Variants in TANGO6 observed in about 807,000 individuals in gnomAD.
TANGO6 encodes transport and golgi organization 6 homolog.
In TANGO6, 90 loss-of-function variants were observed where a neutral mutation model predicts 114.2. The observed-to-expected ratio is 0.79, with a 90% confidence interval of 0.66 to 0.94. The LOEUF (loss-of-function observed/expected upper bound fraction) is 0.94. Ranked by LOEUF, TANGO6 falls within the 40% of genes least tolerant of loss-of-function variation. The pLI is 0.00. For missense variants in TANGO6, 1,274 were observed against 1,315.3 expected, an observed-to-expected ratio of 0.97 and a Z score of 0.49; for synonymous variants, 477 against 509.8, an observed-to-expected ratio of 0.94 and a Z score of 0.87.
At chr16:69,044,673 C>T (rs1386032332) in intron 17 of TANGO6, among the ~76,000 whole-genome samples, 1 of 152,062 alleles carries the variant, frequency 6.6e-6, no homozygotes, top group Non-Finnish European at 1.5e-5. Flanking sequence ...GTTCTCTCTG[C>T]CTACTTTTTA....
intron 15 of TANGO6, among the ~76,000 whole-genome samples, chr16:69,012,011 G>A (rs923156084): frequency 6.6e-6 from 1 of 152,156 alleles, no homozygotes; most frequent in African/African-American, 2.4e-5. Flanking sequence ...TTTTTGTCAA[G>A]TTTGTTCAAA....
chr16:69,034,669 C>T (rs886502925), intron 16 of TANGO6: 27 of 152,324 alleles, frequency 1.8e-4, no homozygotes, highest in African/African-American at 6.5e-4. Context: ...CTGGCTATAG[C>T]TCTTCGGCAT....
intron 14 of TANGO6, among the ~76,000 whole-genome samples, chr16:68,940,972 C>T (rs891197387): frequency 6.6e-6 from 1 of 152,102 alleles, no homozygotes; most frequent in Admixed American, 6.6e-5. Flanking sequence ...CTTAAAGTTT[C>T]TGGGCCTGCC....
At chr16:68,966,645 C>G (rs1366301119) in intron 14 of TANGO6, among the ~76,000 whole-genome samples, 1 of 152,028 alleles carries the variant, frequency 6.6e-6, no homozygotes, top group Non-Finnish European at 1.5e-5. Flanking sequence ...CCCTTTGTCA[C>G]AAAGGCTTGA....
chr16:68,884,359 G>A (rs918514205), intron 7 of TANGO6, among the ~76,000 whole-genome samples: 6 of 152,208 alleles, frequency 3.9e-5, no homozygotes, highest in African/African-American at 1.4e-4. Context: ...TGGTGACTAT[G>A]TGAATATAAT....
At chr16:69,015,182 C>T (rs1184940413) in intron 15 of TANGO6, among the ~76,000 whole-genome samples, 1 of 152,040 alleles carries the variant, frequency 6.6e-6, no homozygotes, top group African/African-American at 2.4e-5. Flanking sequence ...CAGGTTTGAG[C>T]CAAGTATGTG....
At chr16:68,949,570 G>T (rs955050159) in intron 14 of TANGO6, among the ~76,000 whole-genome samples, 1 of 151,666 alleles carries the variant, frequency 6.6e-6, no homozygotes, top group African/African-American at 2.4e-5. Context: ...GCAGTGAGCC[G>T]AGATTGCACC....
At chr16:68,912,236 G>A (rs138257835) in intron 11 of TANGO6, among the ~76,000 whole-genome samples, 3,442 of 152,296 alleles carry the variant, frequency 0.023, 62 homozygotes, top group Non-Finnish European at 0.029. Context: ...TATGGCTCAC[G>A]CCTGTAATCT....
At chr16:68,965,704 G>C (rs2152210410) in intron 14 of TANGO6, among the ~76,000 whole-genome samples, 1 of 152,080 alleles carries the variant, frequency 6.6e-6, no homozygotes, top group South Asian at 2.1e-4. Context: ...TGGAGGCTGA[G>C]GCAGGAAGAT....
chr16:69,067,209 T>A (rs1459871228), intron 17 of TANGO6, among the ~76,000 whole-genome samples: 1 of 151,940 alleles, frequency 6.6e-6, no homozygotes, highest in South Asian at 2.1e-4. Flanking sequence ...CAAAAAAAAT[T>A]TTTTTTTTAT....
In TANGO6 at chr16:68,947,587, C is replaced by CTTT. The variant is rs1231636901; in HGVS notation, c.2701+17312_2701+17314dup. On this transcript the variant is annotated intron_variant, in intron 14 of 17. Transcript: ENST00000261778. The stretch of plus-strand genomic sequence containing the variant: ...TAAGACTAGATATTATAACCCATCT[C>CTTT]TTTTTTTTTTTTTTTTTTTTTTGAG... Among the ~76,000 whole-genome samples the CTTT allele has an allele frequency of 2.2e-3, 259 of 118,424 alleles. 1 individual carries two copies. The highest frequency in any genetic ancestry group is 4.9e-3 in the Middle Eastern group (1 of 204). The allele number at this position is 118,424 out of a possible 152,430, so 77.7% of individuals were successfully genotyped here.
At chr16:68,972,163 TTTAGGACCACATGCAGAGGTGCAGGC>T (rs1249828218) in intron 14 of TANGO6, among the ~76,000 whole-genome samples, 1 of 151,642 alleles carries the variant, frequency 6.6e-6, no homozygotes, top group African/African-American at 2.4e-5. Context: ...GGAGGTGTGG[TTTAGGACCACATGCAGAGGTGCAGGC>T]TTAGGACCAC....
chr16:68,895,286 T>C (rs532361155), intron 7 of TANGO6, among the ~76,000 whole-genome samples: 1 of 152,194 alleles, frequency 6.6e-6, no homozygotes, highest in East Asian at 1.9e-4. Context: ...AAGGTGTAGG[T>C]TGCACTGAGG....
chr16:69,046,866 G>T (rs1236958542), intron 17 of TANGO6, among the ~76,000 whole-genome samples: 1 of 152,002 alleles, frequency 6.6e-6, no homozygotes, highest in Admixed American at 6.6e-5. Flanking sequence ...AGAGGAAAAA[G>T]AAAAAGATTT....
At chr16:69,037,018 C>A (rs990802404) in intron 16 of TANGO6, among the ~76,000 whole-genome samples, 1 of 151,440 alleles carries the variant, frequency 6.6e-6, no homozygotes, top group African/African-American at 2.4e-5. Context: ...TGCCTATAGT[C>A]CCAGCTACTA....
rs142413420 is a variant in TANGO6 at position 68,875,392 on chromosome 16, A to G, written c.1131+102A>G. ...AGTATTGAGATAAAAGCAGTATAAT[A>G]TTTAAGTTTATTGTTTAGTGAGGAG... is the stretch of plus-strand genomic sequence containing the variant. On this transcript the variant is annotated intron_variant, in intron 5 of 17. Transcript: ENST00000261778. 5.2e-4 allele frequency: 708 copies of G among 1,349,872 alleles called. 1 individual carries two copies. The highest frequency in any genetic ancestry group is 2.2e-3 in the Middle Eastern group (8 of 3,658). 83.6% of individuals were successfully genotyped at this position (1,349,872 alleles called of 1,614,324 possible). A position where few individuals can be genotyped will look rare whatever the true frequency, so the allele number is the denominator to read the frequency against.
intron 15 of TANGO6, among the ~76,000 whole-genome samples, chr16:68,980,383 T>TTCTCTCTCTCTCCCTCTCTCTC (rs1963814092): frequency 5.4e-5 from 2 of 36,860 alleles, no homozygotes; most frequent in Non-Finnish European, 1.0e-4. Flanking sequence ...CTGTCTGTCA[T>TTCTCTCTCTCTCCCTCTCTCTC]TCTCTCTCTC....
At chr16:68,861,947 A>T (rs1962097892) in intron 2 of TANGO6, among the ~76,000 whole-genome samples, 2 of 152,166 alleles carry the variant, frequency 1.3e-5, no homozygotes, top group Non-Finnish European at 1.5e-5. Flanking sequence ...AGAGAGATAA[A>T]CAATGTTACC....
At chr16:69,060,090 C>T (rs1393567718) in intron 17 of TANGO6, among the ~76,000 whole-genome samples, 6 of 152,186 alleles carry the variant, frequency 3.9e-5, no homozygotes, top group Non-Finnish European at 5.9e-5. Flanking sequence ...GAATGCCTTC[C>T]TTCCCCCAGC....
Sources: allele counts gnomAD v4.1 joint callset (sites outside exome capture counted in the v4.1 genomes callset), GRCh38; gene constraint gnomAD v4.1.1; transcripts MANE v1.5; gene names NCBI Gene and HGNC (gene_info 2026-07-23, HGNC 2026-07-21).